The following WWOX variants were observed in gnomAD, a reference collection of about 807,000 sequenced individuals.
WWOX encodes the protein WW domain-containing oxidoreductase.
A neutral mutation model predicts 46.2 loss-of-function variants in WWOX; 69 were observed. That is an observed-to-expected ratio of 1.49 (90% confidence interval 1.23 to 1.82). The LOEUF is 1.82. WWOX is among the 40% of genes most tolerant of loss of function. The probability of loss-of-function intolerance (pLI) is 0.00; values close to 1 mark genes in which losing one functional copy is unlikely to be tolerated. For missense variants in WWOX, 919 were observed against 542.6 expected, an observed-to-expected ratio of 1.69 and a Z score of -6.89; for synonymous variants, 359 against 202.6, an observed-to-expected ratio of 1.77 and a Z score of -6.56.
intron 5 of WWOX, among the ~76,000 whole-genome samples, chr16:78,272,847 G>A (rs1225854986): frequency 6.6e-6 from 1 of 152,132 alleles, no homozygotes; most frequent in Non-Finnish European, 1.5e-5. Context: ...CATCGGTAAG[G>A]AGTAGGGTGG....
intron 6 of WWOX, among the ~76,000 whole-genome samples, chr16:78,400,989 ATTTTTATT>A (rs1396022614): frequency 1.3e-5 from 2 of 152,044 alleles, no homozygotes; most frequent in Non-Finnish European, 2.9e-5. Flanking sequence ...TGCCTGGCTA[ATTTTTATT>A]TTTGTAGAGA....
chr16:78,496,468 A>C (rs1219991933), intron 8 of WWOX: 3 of 152,254 alleles, frequency 2.0e-5, no homozygotes, highest in Non-Finnish European at 1.5e-5. Flanking sequence ...CAAACGTGTT[A>C]GCACGGGGTT....
chr16:78,160,720 G>C (rs921479078), intron 4 of WWOX, among the ~76,000 whole-genome samples: 2 of 152,246 alleles, frequency 1.3e-5, no homozygotes, highest in East Asian at 3.9e-4. Context: ...CAAATCATCA[G>C]TTTTGGTAAG....
chr16:78,120,897 C>T (rs1030221672), intron 4 of WWOX, among the ~76,000 whole-genome samples: 1 of 152,176 alleles, frequency 6.6e-6, no homozygotes, highest in Non-Finnish European at 1.5e-5. Context: ...ACGCCAGCTT[C>T]CTTTACACCT....
chr16:78,843,766 C>T (rs1206365477), intron 8 of WWOX, among the ~76,000 whole-genome samples: 1 of 152,160 alleles, frequency 6.6e-6, no homozygotes, highest in African/African-American at 2.4e-5. Context: ...AATATTTAGC[C>T]AGAGCCAAAA....
intron 8 of WWOX, among the ~76,000 whole-genome samples, chr16:78,578,724 G>C (rs915219921): frequency 2.0e-5 from 3 of 152,110 alleles, no homozygotes; most frequent in African/African-American, 7.2e-5. Flanking sequence ...AGATCAATAT[G>C]ATGCATCAAC....
chr16:78,676,502 C>T (rs763208761), intron 8 of WWOX, among the ~76,000 whole-genome samples: 13 of 151,570 alleles, frequency 8.6e-5, no homozygotes, highest in Non-Finnish European at 1.8e-4. Context: ...TGGTGGGTTT[C>T]ATCACCAGGA....
At chr16:78,430,595 G>T (rs753028735) in intron 7 of WWOX, among the ~76,000 whole-genome samples, 2 of 152,106 alleles carry the variant, frequency 1.3e-5, no homozygotes, top group African/African-American at 4.8e-5. Flanking sequence ...GAAGAAGGCC[G>T]TCATATATTT....
At chr16:79,079,164 A>C (rs757563581) in intron 8 of WWOX, among the ~76,000 whole-genome samples, 3 of 152,236 alleles carry the variant, frequency 2.0e-5, no homozygotes, top group Non-Finnish European at 4.4e-5. Context: ...ATTTAGGGAC[A>C]CGGGCTCCTT....
intron 8 of WWOX, among the ~76,000 whole-genome samples, chr16:78,621,099 G>C (rs2738563): frequency 0.014 from 2,163 of 152,028 alleles, 59 homozygotes; most frequent in African/African-American, 0.049. Context: ...TTGGTCCACA[G>C]TTTATCTTTG....
chr16:78,949,582 C>G (rs16949021), intron 8 of WWOX, among the ~76,000 whole-genome samples: 3,745 of 152,310 alleles, frequency 0.025, 171 homozygotes, highest in African/African-American at 0.085. Context: ...GTATGTCATG[C>G]TGTACTACTT....
intron 8 of WWOX, among the ~76,000 whole-genome samples, chr16:78,656,894 G>A (rs768996599): frequency 1.3e-5 from 2 of 152,156 alleles, no homozygotes; most frequent in Non-Finnish European, 1.5e-5. Context: ...ATACACAGCC[G>A]CTCTGTTTAG....
chr16:79,146,428 G>A (rs192263849), intron 8 of WWOX, among the ~76,000 whole-genome samples: 64 of 152,148 alleles, frequency 4.2e-4, no homozygotes, highest in African/African-American at 1.3e-3. Context: ...TGCTGCATCC[G>A]ATCACAGGTC....
intron 5 of WWOX, among the ~76,000 whole-genome samples, chr16:78,337,441 A>G (rs1597502356): frequency 6.6e-6 from 1 of 152,142 alleles, no homozygotes; most frequent in East Asian, 1.9e-4. Flanking sequence ...ATCTTGCATT[A>G]GTGTGGCACA....
chr16:78,827,187 A>C (rs747030604), intron 8 of WWOX, among the ~76,000 whole-genome samples: 3 of 152,170 alleles, frequency 2.0e-5, no homozygotes, highest in Non-Finnish European at 4.4e-5. Context: ...GCATCAAGTG[A>C]AAGGGTAAAT....
intron 8 of WWOX, among the ~76,000 whole-genome samples, chr16:78,996,695 C>A (rs1411197270): frequency 2.0e-5 from 3 of 152,112 alleles, no homozygotes; most frequent in African/African-American, 7.2e-5. Context: ...GCAAATATGG[C>A]CAGGTACAGT....
At chr16:78,103,287 C>T (rs542357411) in intron 1 of WWOX, among the ~76,000 whole-genome samples, 8 of 150,086 alleles carry the variant, frequency 5.3e-5, no homozygotes, top group African/African-American at 9.9e-5. Context: ...CTTTAAATTC[C>T]GGGATACATG....
At chr16:78,949,452 TCCC>T (rs1291275030) in intron 8 of WWOX, among the ~76,000 whole-genome samples, 3 of 152,080 alleles carry the variant, frequency 2.0e-5, no homozygotes, top group Non-Finnish European at 4.4e-5. Flanking sequence ...TTTCCTGTTG[TCCC>T]CTCCCGTGAC....
intron 5 of WWOX, among the ~76,000 whole-genome samples, chr16:78,359,016 A>C (rs1226401984): frequency 6.6e-6 from 1 of 151,902 alleles, no homozygotes; most frequent in Non-Finnish European, 1.5e-5. Flanking sequence ...TCTGTTTTCC[A>C]TTTTTTCAGT....
Sources: allele counts gnomAD v4.1 joint callset (sites outside exome capture counted in the v4.1 genomes callset), GRCh38; gene constraint gnomAD v4.1.1; transcripts MANE v1.5; gene names NCBI Gene and HGNC (gene_info 2026-07-23, HGNC 2026-07-21).